The following CDC42 variants were observed in gnomAD, a reference collection of about 807,000 sequenced individuals.
CDC42 encodes the protein cell division cycle 42.
CDC42 carries 1 observed loss-of-function variant against 20.8 expected under a neutral mutation model. The observed-to-expected ratio is 0.05, with a 90% CI of 0.02 to 0.23. The LOEUF (loss-of-function observed/expected upper bound fraction) is 0.23. Ranked by LOEUF, CDC42 falls within the 10% of genes least tolerant of loss-of-function variation. The pLI is 1.00. For synonymous variants in CDC42, 72 were observed against 84.8 expected (o/e 0.85, Z 0.83); for missense variants, 49 against 227.9 (o/e 0.21, Z 5.05).
chr1:22,072,685 C>T (rs995311323), intron 1 of CDC42, among the ~76,000 whole-genome samples: 2 of 152,050 alleles, frequency 1.3e-5, no homozygotes, highest in Non-Finnish European at 2.9e-5. Context: ...CTGAGGCTTC[C>T]TAGCATCCCT....
At chr1:22,088,556 CA>C (rs1645685387) in intron 5 of CDC42, among the ~76,000 whole-genome samples, 1 of 152,186 alleles carries the variant, frequency 6.6e-6, no homozygotes, top group African/African-American at 2.4e-5. Context: ...TTGAGGCTTA[CA>C]GATTCTGTTT....
In CDC42 at chr1:22,088,028, G is replaced by GT. The variant is rs16830944; in HGVS notation, c.486+1169dup. On this transcript the variant is annotated intron_variant, in intron 5 of 5. Transcript: ENST00000656825. ...ATTTAAACATAATCTTCTAATCCTC[G>GT]TTTTTTTGGGCAGTTTAGTGCTATT... Among the ~76,000 whole-genome samples the GT allele has an allele frequency of 6.8e-3, 1,037 of 152,166 alleles. 8 individuals are homozygous for GT. The highest frequency in any genetic ancestry group is 0.022 in the South Asian group (107 of 4,818).
chr1:22,054,746 A>G (rs1645276437), intron 1 of CDC42, among the ~76,000 whole-genome samples: 1 of 151,698 alleles, frequency 6.6e-6, no homozygotes, highest in Non-Finnish European at 1.5e-5. Flanking sequence ...CTTCTGAAAT[A>G]CATTTGTTAG....
chr1:22,078,645 C>T (rs535022452), intron 2 of CDC42, 62 bp downstream of exon 2: 13 of 1,557,018 alleles, frequency 8.3e-6, no homozygotes, highest in African/African-American at 2.7e-5. Flanking sequence ...CTTTTGAAAA[C>T]GCTTTCTCTA....
intron 2 of CDC42, among the ~76,000 whole-genome samples, chr1:22,080,338 CTGTT>C (rs1469492771): frequency 6.6e-6 from 1 of 152,158 alleles, no homozygotes; most frequent in Non-Finnish European, 1.5e-5. Flanking sequence ...AGAAAATAAT[CTGTT>C]TGGTTTGAGA....
chr1:22,061,205 G>A (rs1362539810), intron 1 of CDC42, among the ~76,000 whole-genome samples: 4 of 152,004 alleles, frequency 2.6e-5, no homozygotes, highest in African/African-American at 9.7e-5. Flanking sequence ...TCAGGAGTTC[G>A]AGACCAGCCT....
rs139919632 is a variant in CDC42 at position 22,055,317 on chromosome 1, G to A, written c.-51+2575G>A. Among the ~76,000 whole-genome samples the A allele has an allele frequency of 1.6e-3, 232 of 149,446 alleles. 1 individual carries two copies. The highest frequency in any genetic ancestry group is 6.8e-3 in the Middle Eastern group (2 of 294). ...TGGTAATCAACTAAGTATTGAATGA[G>A]CTCGTTTTCAGTAATTTCTTCAAGA... On this transcript the variant is annotated intron_variant, in intron 1 of 5. Coordinates refer to ENST00000656825, the MANE Select transcript of CDC42 (RefSeq NM_001791.4).
chr1:22,055,210 C>G (rs1005242021), intron 1 of CDC42, among the ~76,000 whole-genome samples: 1 of 151,390 alleles, frequency 6.6e-6, no homozygotes, highest in African/African-American at 2.4e-5. Flanking sequence ...GCCTCGTCCC[C>G]GCAAAGTGCT....
intron 1 of CDC42, among the ~76,000 whole-genome samples, chr1:22,057,410 GT>G (rs1451133430): frequency 6.6e-6 from 1 of 152,196 alleles, no homozygotes; most frequent in African/African-American, 2.4e-5. Context: ...TTGAGATGGA[GT>G]TTTGCTCTTG....
At chr1:22,071,990 C>G (rs1306802277) in intron 1 of CDC42, among the ~76,000 whole-genome samples, 4 of 152,052 alleles carry the variant, frequency 2.6e-5, no homozygotes, top group Non-Finnish European at 5.9e-5. Flanking sequence ...CTACCTATAC[C>G]TCTGCCCAGT....
chr1:22,054,945 T>A lies in CDC42; in HGVS notation c.-51+2203T>A, dbSNP rs1267513486. 3.2e-4 allele frequency among the ~76,000 whole-genome samples: 14 copies of A among 44,060 alleles called. 1 individual carries two copies. The highest frequency in any genetic ancestry group is 3.7e-4 in the Non-Finnish European group (9 of 24,034). The allele number at this position is 44,060 out of a possible 152,430, so 28.9% of individuals were successfully genotyped here. Reference sequence around the variant, plus strand: ...TATTTTTTTTTTTTTTTTTTTTTTTTTTTTTTTTTTTTTTTTTTTTTTTTT... The same window carrying A: ...TATTTTTTTTTTTTTTTTTTTTTTTATTTTTTTTTTTTTTTTTTTTTTTTT... On this transcript the variant is annotated intron_variant, in intron 1 of 5. Transcript: ENST00000656825.
chr1:22,055,562 T>C (rs1176873995), intron 1 of CDC42, among the ~76,000 whole-genome samples: 1 of 151,020 alleles, frequency 6.6e-6, no homozygotes, highest in African/African-American at 2.4e-5. Flanking sequence ...TGATCACAGC[T>C]CACTGCAGCC....
intron 1 of CDC42, chr1:22,064,045 A>G (rs1219968016): frequency 6.6e-6 from 1 of 151,266 alleles, no homozygotes; most frequent in African/African-American, 2.4e-5. Flanking sequence ...AGTATGTATA[A>G]CATTTCATCC....
chr1:22,062,730 TAA>T (rs531472151), intron 1 of CDC42, among the ~76,000 whole-genome samples: 5 of 69,422 alleles, frequency 7.2e-5, no homozygotes, highest in Non-Finnish European at 1.2e-4. Context: ...TGGCTCTATT[TAA>T]AAAAAAAAAA....
At chr1:22,071,434 A>G (rs761846735) in intron 1 of CDC42, among the ~76,000 whole-genome samples, 2 of 152,212 alleles carry the variant, frequency 1.3e-5, no homozygotes, top group Non-Finnish European at 2.9e-5. Context: ...GAAGTTCTGC[A>G]AACAAGACAG....
At chr1:22,064,217 T>C (rs546560829) in intron 1 of CDC42, 6 of 152,264 alleles carry the variant, frequency 3.9e-5, no homozygotes, top group Non-Finnish European at 5.9e-5. Context: ...AAAAACCTTG[T>C]GTTTTCCTAA....
At position 22,097,903 on chromosome 1, in the gene CDC42, A is replaced by G. The variant is rs1450463470; in HGVS notation, c.*6386A>G. Among the ~76,000 whole-genome samples the G allele has an allele frequency of 6.6e-6, 1 of 152,264 alleles. No individual in the cohort carries two copies. Among genetic ancestry groups the G allele is most frequent in the African/African-American group, 2.4e-5 (1 of 41,478 alleles). On this transcript the variant is annotated 3_prime_UTR_variant, in exon 6 of 6. Coordinates refer to ENST00000656825, the MANE Select transcript of CDC42 (RefSeq NM_001791.4). ...AGGTGATTTCCCCAAAAGCAAATAA[A>G]TGCTCGATGGATTTTGGGTCCACCA...
At chr1:22,066,164 G>A (rs1298859456) in intron 1 of CDC42, among the ~76,000 whole-genome samples, 2 of 152,060 alleles carry the variant, frequency 1.3e-5, no homozygotes, top group Admixed American at 6.6e-5. Context: ...GCATTGGGAC[G>A]GGGAATAAAG....
chr1:22,062,098 G>A (rs1040478119), intron 1 of CDC42, among the ~76,000 whole-genome samples: 2 of 151,520 alleles, frequency 1.3e-5, no homozygotes, highest in African/African-American at 4.9e-5. Flanking sequence ...ACCATACCCA[G>A]CTAATTTTTG....
Sources: gnomAD v4.1 joint callset for allele counts (sites outside exome capture counted in the v4.1 genomes callset) on GRCh38, gnomAD v4.1.1 for gene constraint, MANE v1.5 for transcripts, NCBI Gene and HGNC (gene_info 2026-07-23, HGNC 2026-07-21) for gene names.